Variants in VEPH1 observed in about 807,000 individuals in gnomAD.
VEPH1 encodes the protein ventricular zone-expressed PH domain-containing protein homolog 1.
VEPH1 carries 80 observed loss-of-function variants against 85.2 expected under a neutral mutation model. The ratio of observed to expected loss-of-function variants is 0.94; its 90% confidence interval spans 0.78 to 1.13. The LOEUF is 1.13. Among genes scored for constraint, VEPH1 ranks in the 50% most tolerant of loss-of-function variants. VEPH1 has a pLI of 0.00. For missense variants in VEPH1, 955 were observed against 980.5 expected, an observed-to-expected ratio of 0.97 and a Z score of 0.35; for synonymous variants, 297 against 348.0, an observed-to-expected ratio of 0.85 and a Z score of 1.63.
chr3:157,382,389 T>G (rs1213972141), intron 6 of VEPH1, among the ~76,000 whole-genome samples: 1 of 152,190 alleles, frequency 6.6e-6, no homozygotes, highest in Non-Finnish European at 1.5e-5. Context: ...GGCAACATGA[T>G]CTAATCTGAC....
intron 12 of VEPH1, among the ~76,000 whole-genome samples, chr3:157,267,599 A>G (rs1291138682): frequency 1.3e-5 from 2 of 151,882 alleles, no homozygotes; most frequent in African/African-American, 4.8e-5. Flanking sequence ...AGCCTGGCCA[A>G]CTTGGCGAAA....
intron 9 of VEPH1, among the ~76,000 whole-genome samples, chr3:157,323,538 G>T (rs1381759224): frequency 6.6e-6 from 1 of 152,148 alleles, no homozygotes; most frequent in East Asian, 1.9e-4. Flanking sequence ...TACAGCAGCT[G>T]GTGGGCCCCT....
chr3:157,468,005 C>T (rs1240799743), intron 3 of VEPH1, among the ~76,000 whole-genome samples: 9 of 152,192 alleles, frequency 5.9e-5, no homozygotes, highest in Non-Finnish European at 1.2e-4. Context: ...TAAAACATCC[C>T]ATCTAACATA....
chr3:157,386,250 CAAAAAAA>C (rs71302265), intron 6 of VEPH1, among the ~76,000 whole-genome samples: 22 of 38,490 alleles, frequency 5.7e-4, no homozygotes, highest in African/African-American at 2.4e-3. Flanking sequence ...AATGGTTCCA[CAAAAAAA>C]AAAAAAAAAA....
Position 157,265,655 on chromosome 3 carries a change from AT to A in VEPH1, c.2135del (p.Asn712IlefsTer8). The A allele has an allele frequency of 1.2e-6, 2 of 1,612,884 alleles. No homozygotes were observed. The highest frequency in any genetic ancestry group is 1.7e-6 in the Non-Finnish European group (2 of 1,179,500). On this transcript the variant is annotated frameshift_variant, in exon 13 of 14. Coordinates refer to ENST00000362010, the MANE Select transcript of VEPH1 (RefSeq NM_001167912.2). LOFTEE classifies it high-confidence loss of function. Reference sequence around the variant, plus strand: ...CTTCTATGAGAGGCTGGCCATCTTGATTTACAACTGTTGAAGGTAGCAGAAT... The same window carrying A: ...CTTCTATGAGAGGCTGGCCATCTTGATTACAACTGTTGAAGGTAGCAGAAT... Reference protein sequence around the residue: ...CNNPEKATVVNQDGQPLIEGK... With the variant: ...CNNPEKATVVXQDGQPLIEGK...
intron 4 of VEPH1, among the ~76,000 whole-genome samples, chr3:157,450,165 C>A (rs1399294905): frequency 1.4e-5 from 2 of 144,138 alleles, no homozygotes; most frequent in South Asian, 2.2e-4. Flanking sequence ...AAGCTATTTT[C>A]CCACTTCAGC....
At chr3:157,308,777 G>A (rs1163297794) in intron 11 of VEPH1, among the ~76,000 whole-genome samples, 1 of 152,022 alleles carries the variant, frequency 6.6e-6, no homozygotes, top group Non-Finnish European at 1.5e-5. Flanking sequence ...GTTCATTCAA[G>A]TGTATTTCTC....
Position 157,460,217 on chromosome 3 carries a change from C to T in VEPH1, c.493G>A (p.Asp165Asn). 1 of 1,614,166 alleles carries T rather than the reference C, an allele frequency of 6.2e-7. No homozygotes were observed. Among genetic ancestry groups the T allele is most frequent in the Non-Finnish European group, 8.5e-7 (1 of 1,180,028 alleles). Residue 165 changes from aspartate to asparagine, a missense_variant, in exon 4 of 14, where the codon GAT becomes AAT. Coordinates refer to ENST00000362010, the MANE Select transcript of VEPH1 (RefSeq NM_001167912.2). The part of the protein sequence containing the change: ...AAITKADLLA[D>N]HTEVIVKSIL... ...CTCTTTACTATAACTTCCGTGTGAT[C>T]AGCCAGGAGATCTGCCTTGGTAATT...
At chr3:157,294,371 C>T (rs922754929) in intron 11 of VEPH1, among the ~76,000 whole-genome samples, 6 of 152,132 alleles carry the variant, frequency 3.9e-5, no homozygotes, top group South Asian at 2.1e-4. Flanking sequence ...TTGAAAAATA[C>T]GTAGCAATGT....
chr3:157,455,427 C>CA (rs1735291878), intron 4 of VEPH1, among the ~76,000 whole-genome samples: 1 of 150,364 alleles, frequency 6.7e-6, no homozygotes. Context: ...CCTTTGCCGC[C>CA]TTTTTTTTTC....
At chr3:157,359,940 A>G (rs925510041) in intron 9 of VEPH1, among the ~76,000 whole-genome samples, 1 of 152,176 alleles carries the variant, frequency 6.6e-6, no homozygotes, top group Non-Finnish European at 1.5e-5. Context: ...TGCTGGCTAT[A>G]TGTCCCTTTA....
At chr3:157,356,860 G>C (rs778436990) in intron 9 of VEPH1, among the ~76,000 whole-genome samples, 6 of 152,190 alleles carry the variant, frequency 3.9e-5, no homozygotes, top group Non-Finnish European at 7.3e-5. Flanking sequence ...GCTGGGGACT[G>C]TCAGGGGCTC....
chr3:157,461,372 C>G (rs191278656), intron 3 of VEPH1, among the ~76,000 whole-genome samples: 68 of 152,212 alleles, frequency 4.5e-4, no homozygotes, highest in Admixed American at 2.3e-3. Context: ...GAAAAAAAAA[C>G]TGTGCAGTGC....
chr3:157,403,055 TGTA>T (rs972232925), intron 6 of VEPH1, among the ~76,000 whole-genome samples: 3 of 152,152 alleles, frequency 2.0e-5, no homozygotes, highest in African/African-American at 7.2e-5. Context: ...AAGGCTGAAA[TGTA>T]AATATAATTT....
At chr3:157,331,676 T>C (rs1722521115) in intron 9 of VEPH1, among the ~76,000 whole-genome samples, 1 of 152,210 alleles carries the variant, frequency 6.6e-6, no homozygotes, top group Admixed American at 6.5e-5. Context: ...TTCTTGCAGC[T>C]CTTTCATGGT....
intron 2 of VEPH1, among the ~76,000 whole-genome samples, chr3:157,483,254 A>T (rs1738302809): frequency 1.3e-5 from 2 of 152,136 alleles, no homozygotes; most frequent in African/African-American, 4.8e-5. Context: ...CTCAGAACTG[A>T]CAGTATTGCT....
In VEPH1 at chr3:157,317,132, C is replaced by G. The variant is rs145883418; in HGVS notation, c.1805G>C (p.Ser602Thr). 6.2e-7 allele frequency: 1 copy of G among 1,613,700 alleles called. No homozygotes were observed. ...GCTGATGAGAATAAAACTGGACTTA[C>G]TGTATAGGCAGTAATGACCCTTCAG... ...CSLKGHYCLY[S>T]KSSFILISQE... The change falls in exon 10 of 14, where the codon AGT (serine) becomes ACT (threonine). Residue 602 changes from serine (S) to threonine (T), a missense_variant. Ser to Thr is a moderately conservative substitution (Grantham distance 58). Transcript: ENST00000362010.
At chr3:157,382,574 AT>A (rs1302796725) in intron 6 of VEPH1, among the ~76,000 whole-genome samples, 1 of 152,104 alleles carries the variant, frequency 6.6e-6, no homozygotes, top group Non-Finnish European at 1.5e-5. Flanking sequence ...TATGTCTAAA[AT>A]TTTTTCTTGT....
Position 157,495,192 on chromosome 3 carries a change from C to G in VEPH1, c.138+20G>C. The G allele has an allele frequency of 6.2e-7, 1 of 1,612,254 alleles. No individual in the cohort carries two copies. The highest frequency in any genetic ancestry group is 8.5e-7 in the Non-Finnish European group (1 of 1,178,904). On this transcript the variant is annotated intron_variant, in intron 2 of 13. Transcript: ENST00000362010. The stretch of plus-strand genomic sequence containing the variant: ...GGACAGGCCATTTCAGAGATGTAGT[C>G]TATAAACCAGTTTACTTACTGAAGA...
Sources: gnomAD v4.1 joint callset for allele counts (sites outside exome capture counted in the v4.1 genomes callset) on GRCh38, gnomAD v4.1.1 for gene constraint, MANE v1.5 for transcripts, NCBI Gene and HGNC (gene_info 2026-07-23, HGNC 2026-07-21) for gene names.